MATN2: variants seen among roughly 807,000 people sequenced by gnomAD.
MATN2 encodes matrilin-2.
A neutral mutation model predicts 103.2 loss-of-function variants in MATN2; 69 were observed. The ratio of observed to expected loss-of-function variants is 0.67; its 90% confidence interval spans 0.55 to 0.82. MATN2 has a LOEUF of 0.82. MATN2 is among the 40% of genes least tolerant of loss of function. The pLI, the probability that MATN2 is intolerant of heterozygous loss-of-function variation, is 0.00. For synonymous variants in MATN2, 429 were observed against 450.2 expected (o/e 0.95, Z 0.60); for missense variants, 1,023 against 1,211.5 (o/e 0.84, Z 2.31).
chr8:97,981,552 G>T (rs865996410), intron 6 of MATN2, among the ~76,000 whole-genome samples: 1 of 152,082 alleles, frequency 6.6e-6, no homozygotes. Flanking sequence ...GAGTCATGGT[G>T]CCAGGAGTTA....
intron 2 of MATN2, among the ~76,000 whole-genome samples, chr8:97,914,538 T>C (rs1809557022): frequency 7.1e-6 from 1 of 141,488 alleles, no homozygotes; most frequent in African/African-American, 2.7e-5. Context: ...ACCCGGCTAC[T>C]TTTTTTTTTT....
rs1177759924 is a variant in MATN2, at chr8:97,869,298, C to G, written c.-27+11C>G. 2 of 152,330 alleles carry G rather than the reference C, an allele frequency of 1.3e-5. No homozygotes were observed. Among genetic ancestry groups the G allele is most frequent in the East Asian group, 3.9e-4 (2 of 5,178 alleles). The allele number at this position is 152,330 out of a possible 1,614,324, so 9.4% of individuals were successfully genotyped here. A position where few individuals can be genotyped will look rare whatever the true frequency, so the allele number is the denominator to read the frequency against. On this transcript the variant is annotated intron_variant, in intron 1 of 18. Coordinates refer to ENST00000254898, the MANE Select transcript of MATN2 (RefSeq NM_002380.5). ...CGCCGGCGGCTGCAGGTGAGCGCGG[C>G]GCGCTTTCCCCCGGCTCTGCGCGGC... is the stretch of plus-strand genomic sequence containing the variant.
intron 6 of MATN2, among the ~76,000 whole-genome samples, chr8:97,983,800 A>G (rs1158735242): frequency 6.6e-6 from 1 of 152,220 alleles, no homozygotes; most frequent in Non-Finnish European, 1.5e-5. Context: ...TTTGCACTAG[A>G]AACAAAACAC....
At chr8:98,021,149 C>T in intron 12 of MATN2, 56 bp from the exon 13 acceptor site, 2 of 1,566,920 alleles carry the variant, frequency 1.3e-6, no homozygotes, top group Admixed American at 3.5e-5. Flanking sequence ...CATGACTATT[C>T]AATTCACCTC....
intron 4 of MATN2, among the ~76,000 whole-genome samples, chr8:97,959,528 C>T (rs1811240705): frequency 6.6e-6 from 1 of 152,202 alleles, no homozygotes; most frequent in African/African-American, 2.4e-5. Context: ...TGAAAATCTA[C>T]ATTGGACTTT....
At chr8:97,957,205 A>G (rs910436791) in intron 4 of MATN2, among the ~76,000 whole-genome samples, 1 of 152,208 alleles carries the variant, frequency 6.6e-6, no homozygotes, top group African/African-American at 2.4e-5. Context: ...GGGGGTCACC[A>G]GGTGGAGAAG....
At chr8:97,894,082 A>C (rs984839109) in intron 2 of MATN2, among the ~76,000 whole-genome samples, 1 of 152,178 alleles carries the variant, frequency 6.6e-6, no homozygotes, top group Non-Finnish European at 1.5e-5. Flanking sequence ...TTAAGAGAGC[A>C]TTTTGTGGCA....
chr8:98,001,473 T>G (rs1207680586), intron 7 of MATN2, among the ~76,000 whole-genome samples: 1 of 149,630 alleles, frequency 6.7e-6, no homozygotes, highest in Non-Finnish European at 1.5e-5. Flanking sequence ...TTTTTTTTTT[T>G]TTTTTTTTTG....
intron 6 of MATN2, among the ~76,000 whole-genome samples, chr8:97,988,361 C>T (rs1388387035): frequency 6.6e-6 from 1 of 151,406 alleles, no homozygotes; most frequent in Non-Finnish European, 1.5e-5. Flanking sequence ...CATGGTGGCT[C>T]ATACCTGTAA....
chr8:97,963,103 C>G (rs1586096685), intron 5 of MATN2, among the ~76,000 whole-genome samples: 2 of 152,200 alleles, frequency 1.3e-5, no homozygotes, highest in South Asian at 4.1e-4. Context: ...CCACTGCACT[C>G]CAGCCTGGGT....
intron 4 of MATN2, among the ~76,000 whole-genome samples, chr8:97,943,292 C>G (rs1810631238): frequency 7.8e-6 from 1 of 127,880 alleles, no homozygotes; most frequent in African/African-American, 3.0e-5. Flanking sequence ...CTGGAGGCAC[C>G]CTTCCTCCTC....
chr8:97,935,636 G>A (rs968096952), intron 3 of MATN2, among the ~76,000 whole-genome samples: 12 of 152,006 alleles, frequency 7.9e-5, no homozygotes, highest in Admixed American at 2.0e-4. Flanking sequence ...ACAGGTGTGC[G>A]CCGCCATGAC....
chr8:98,032,683 C>G (rs1003758913), intron 16 of MATN2, among the ~76,000 whole-genome samples: 2 of 152,066 alleles, frequency 1.3e-5, no homozygotes, highest in Non-Finnish European at 2.9e-5. Flanking sequence ...AGGCACCCAC[C>G]ACCATGCCCA....
intron 10 of MATN2, among the ~76,000 whole-genome samples, chr8:98,009,407 T>TG (rs1813083031): frequency 2.0e-5 from 3 of 152,140 alleles, no homozygotes; most frequent in Admixed American, 6.5e-5. Context: ...TAAAGCCTTT[T>TG]GGGGGGCAGT....
At chr8:98,016,042 T>C (rs1813346096) in intron 10 of MATN2, among the ~76,000 whole-genome samples, 1 of 152,226 alleles carries the variant, frequency 6.6e-6, no homozygotes, top group Non-Finnish European at 1.5e-5. Flanking sequence ...TTCTGTAACT[T>C]GTATTCTCAT....
Position 97,941,856 on chromosome 8 carries a change from C to T in MATN2, c.792C>T (p.Cys264=), listed in dbSNP as rs748454139. The T allele has an allele frequency of 6.2e-7, 1 of 1,613,494 alleles. No homozygotes were observed. The highest frequency in any genetic ancestry group is 8.5e-7 in the Non-Finnish European group (1 of 1,179,554). ...TCCCTGGCTCATACGTCTGCAGGTG[C>T]AAACAAGGCTACATTCTCAACTCGG... ...INIPGSYVCR[C]KQGYILNSDQ... is the part of the protein sequence containing the mutation. Residue 264 remains cysteine (C), a synonymous_variant, in exon 4 of 19, where the codon TGC becomes TGT. Coordinates refer to ENST00000254898, the MANE Select transcript of MATN2 (RefSeq NM_002380.5).
chr8:97,975,579 C>A (rs1811810066), intron 5 of MATN2, among the ~76,000 whole-genome samples: 1 of 152,180 alleles, frequency 6.6e-6, no homozygotes, highest in South Asian at 2.1e-4. Context: ...CTCATTGTTG[C>A]AGCACCATCA....
At chr8:97,950,970 G>A (rs1810930098) in intron 4 of MATN2, 1 of 152,466 alleles carries the variant, frequency 6.6e-6, no homozygotes, top group Non-Finnish European at 1.5e-5. Context: ...AGTGTGGAAA[G>A]TGAAGGTCAG....
chr8:98,015,909 T>A (rs2130414103), intron 10 of MATN2, among the ~76,000 whole-genome samples: 1 of 152,310 alleles, frequency 6.6e-6, no homozygotes, highest in Middle Eastern at 3.4e-3. Flanking sequence ...AATGAATTGG[T>A]TACCTAAGTG....
Sources: gnomAD v4.1 joint callset for allele counts (sites outside exome capture counted in the v4.1 genomes callset) on GRCh38, gnomAD v4.1.1 for gene constraint, MANE v1.5 for transcripts, NCBI Gene and HGNC (gene_info 2026-07-23, HGNC 2026-07-21) for gene names.